GLIS3: variants seen among roughly 807,000 people sequenced by gnomAD.
The protein encoded by GLIS3 is zinc finger protein GLIS3.
In GLIS3, 53 loss-of-function variants were observed where a neutral mutation model predicts 78.6. The ratio of observed to expected loss-of-function variants is 0.67; its 90% confidence interval spans 0.54 to 0.85. The LOEUF is 0.85. GLIS3 is among the 40% of genes least tolerant of loss of function. The pLI is 0.00. For missense variants in GLIS3, 1,703 were observed against 1,231.1 expected (o/e 1.38, Z -5.74); for synonymous variants, 684 against 509.9 (o/e 1.34, Z -4.60).
rs190333914 is a variant in GLIS3, at chr9:4,199,413, T to C, written c.389-73472A>G. Among the ~76,000 whole-genome samples, 486 of 151,638 alleles carry C rather than the reference T, an allele frequency of 3.2e-3. 1 individual carries two copies. The highest frequency in any genetic ancestry group is 0.011 in the African/African-American group (438 of 41,400). ...CAAAAAAGAGTATAGGTAACTATCCTTATATCATATAAAACAGACTTTTAT... is the reference window on the plus strand; with the variant it reads ...CAAAAAAGAGTATAGGTAACTATCCCTATATCATATAAAACAGACTTTTAT... On this transcript the variant is annotated intron_variant, in intron 2 of 10. Transcript: ENST00000381971.
intron 2 of GLIS3, among the ~76,000 whole-genome samples, chr9:4,243,522 C>G (rs1267632831): frequency 6.6e-6 from 1 of 152,162 alleles, no homozygotes; most frequent in East Asian, 1.9e-4. Context: ...CGCATTCTCT[C>G]TACTTAGTAG....
chr9:4,109,042 G>T (rs1302448203), intron 4 of GLIS3, among the ~76,000 whole-genome samples: 1 of 152,120 alleles, frequency 6.6e-6, no homozygotes, highest in Non-Finnish European at 1.5e-5. Flanking sequence ...CTGAGTCACT[G>T]GGAATGGGTG....
At chr9:4,326,299 C>A (rs1464920919) in intron 2 of GLIS3, among the ~76,000 whole-genome samples, 1 of 152,132 alleles carries the variant, frequency 6.6e-6, no homozygotes, top group Non-Finnish European at 1.5e-5. Flanking sequence ...AAGGTAGAAA[C>A]AATCTAAATG....
intron 6 of GLIS3, among the ~76,000 whole-genome samples, chr9:3,907,488 C>A (rs553390200): frequency 6.6e-6 from 1 of 152,094 alleles, no homozygotes; most frequent in African/African-American, 2.4e-5. Flanking sequence ...TGATGCCCCA[C>A]CCAGCGCCCC....
intron 2 of GLIS3, among the ~76,000 whole-genome samples, chr9:4,179,138 G>C (rs1817064555): frequency 6.6e-6 from 1 of 152,176 alleles, no homozygotes; most frequent in African/African-American, 2.4e-5. Flanking sequence ...CTTCATTAAA[G>C]ATGCTTACAT....
At chr9:4,281,317 A>C (rs1827528973) in intron 2 of GLIS3, among the ~76,000 whole-genome samples, 1 of 152,184 alleles carries the variant, frequency 6.6e-6, no homozygotes, top group African/African-American at 2.4e-5. Flanking sequence ...ATCATTTGTA[A>C]GTATACAGTT....
At chr9:4,409,868 G>A in the GLIS3 span, among the ~76,000 whole-genome samples, 1 of 152,176 alleles carries the variant, frequency 6.6e-6, no homozygotes. Context: ...GTGGCTACCG[G>A]AAGATCCCCC....
At chr9:3,856,467 A>G (rs886831791) in intron 8 of GLIS3, among the ~76,000 whole-genome samples, 3 of 152,202 alleles carry the variant, frequency 2.0e-5, no homozygotes, top group African/African-American at 4.8e-5. Context: ...TGCATTTCAA[A>G]TACACTATGT....
intron 2 of GLIS3, among the ~76,000 whole-genome samples, chr9:4,232,655 C>G (rs1448072385): frequency 6.6e-6 from 1 of 152,080 alleles, no homozygotes; most frequent in East Asian, 1.9e-4. Flanking sequence ...TACTACAAAA[C>G]AAAAGTAGTT....
At chr9:4,344,148 A>G (rs1428639081) in intron 2 of GLIS3, among the ~76,000 whole-genome samples, 7 of 152,114 alleles carry the variant, frequency 4.6e-5, no homozygotes, top group African/African-American at 1.4e-4. Context: ...ATCCCTTTCC[A>G]TCTACCAGCC....
intron 2 of GLIS3, among the ~76,000 whole-genome samples, chr9:4,169,540 G>A (rs528043465): frequency 6.6e-6 from 1 of 152,158 alleles, no homozygotes; most frequent in Non-Finnish European, 1.5e-5. Flanking sequence ...AGCACACCGG[G>A]AAAATTGGTG....
the GLIS3 span, among the ~76,000 whole-genome samples, chr9:4,416,913 G>A: frequency 6.8e-6 from 1 of 147,042 alleles, no homozygotes; most frequent in African/African-American, 2.5e-5. Flanking sequence ...CTGCCTCCCA[G>A]GTTCAAGCGA....
chr9:4,346,197 A>G (rs2130593098), intron 2 of GLIS3, among the ~76,000 whole-genome samples: 1 of 152,360 alleles, frequency 6.6e-6, no homozygotes, highest in East Asian at 1.9e-4. Flanking sequence ...GGTTTTACAG[A>G]CCTCATTCTC....
chr9:4,200,638 C>G (rs777174195), intron 2 of GLIS3, among the ~76,000 whole-genome samples: 31 of 152,054 alleles, frequency 2.0e-4, no homozygotes, highest in Non-Finnish European at 4.0e-4. Context: ...AGACCAATAT[C>G]GAGTTCCAAA....
At chr9:4,459,399 G>C in the GLIS3 span, among the ~76,000 whole-genome samples, 460 of 152,302 alleles carry the variant, frequency 3.0e-3, 4 homozygotes, top group African/African-American at 0.01. Flanking sequence ...ACCTGTAAAA[G>C]AGACTGAAAA....
chr9:4,226,183 A>T (rs542245965), intron 2 of GLIS3, among the ~76,000 whole-genome samples: 1 of 152,252 alleles, frequency 6.6e-6, no homozygotes, highest in East Asian at 1.9e-4. Context: ...CGTATTGGAT[A>T]CTCAAATTAA....
the GLIS3 span, among the ~76,000 whole-genome samples, chr9:4,476,991 G>T: frequency 6.6e-6 from 1 of 152,042 alleles, no homozygotes; most frequent in Admixed American, 6.5e-5. Flanking sequence ...ACCTGCTATG[G>T]AAAACAGTAC....
chr9:4,395,986 A>T, the GLIS3 span, among the ~76,000 whole-genome samples: 1 of 151,646 alleles, frequency 6.6e-6, no homozygotes, highest in Non-Finnish European at 1.5e-5. Context: ...GTTGGCTAGG[A>T]TGGTGTCGAT....
At chr9:4,245,499 A>G (rs1020958917) in intron 2 of GLIS3, among the ~76,000 whole-genome samples, 20 of 152,252 alleles carry the variant, frequency 1.3e-4, no homozygotes, top group Non-Finnish European at 2.2e-4. Flanking sequence ...AACGTAGACA[A>G]TATTAGAAAG....
Sources: gnomAD v4.1 joint callset for allele counts (sites outside exome capture counted in the v4.1 genomes callset) on GRCh38, gnomAD v4.1.1 for gene constraint, MANE v1.5 for transcripts, NCBI Gene and HGNC (gene_info 2026-07-23, HGNC 2026-07-21) for gene names.